Variants in TNFRSF21 observed in about 807,000 individuals in gnomAD.
TNFRSF21 encodes the protein tumor necrosis factor receptor superfamily member 21.
TNFRSF21 carries 19 observed loss-of-function variants against 45.6 expected under a neutral mutation model. That is an observed-to-expected ratio of 0.42 (90% CI 0.29 to 0.61). TNFRSF21 has a LOEUF of 0.61. Ranked by LOEUF, TNFRSF21 falls within the 20% of genes least tolerant of loss-of-function variation. The pLI is 0.23. For missense variants in TNFRSF21, 737 were observed against 851.5 expected, an observed-to-expected ratio of 0.87 and a Z score of 1.67; for synonymous variants, 314 against 335.5, an observed-to-expected ratio of 0.94 and a Z score of 0.70.
chr6:47,265,369 G>GT (rs908631046), intron 3 of TNFRSF21, among the ~76,000 whole-genome samples: 5 of 149,770 alleles, frequency 3.3e-5, no homozygotes, highest in Non-Finnish European at 1.5e-5. Flanking sequence ...ACTGAGCACA[G>GT]TTTTTTTGTT....
In TNFRSF21 at chr6:47,283,924, G is replaced by T. The variant is rs1273037670; in HGVS notation, c.1243+14C>A. The T allele has an allele frequency of 6.2e-7, 1 of 1,606,334 alleles. No homozygotes were observed. Among genetic ancestry groups the T allele is most frequent in the Admixed American group, 1.7e-5 (1 of 59,372 alleles). On this transcript the variant is annotated intron_variant, in intron 3 of 5. Transcript: ENST00000296861. Reference sequence around the variant, plus strand: ...GAGAGATCTGTGAGCAAGGAGAGAAGAGAGAAGGCTCACCATGGCCATTGC... The same window carrying T: ...GAGAGATCTGTGAGCAAGGAGAGAATAGAGAAGGCTCACCATGGCCATTGC...
At chr6:47,299,719 T>C (rs1316601622) in intron 1 of TNFRSF21, among the ~76,000 whole-genome samples, 1 of 152,172 alleles carries the variant, frequency 6.6e-6, no homozygotes, top group Admixed American at 6.5e-5. Context: ...AATTCAAATT[T>C]GCACCCAAGG....
At chr6:47,236,083 T>C (rs1764662963) in intron 4 of TNFRSF21, among the ~76,000 whole-genome samples, 1 of 152,178 alleles carries the variant, frequency 6.6e-6, no homozygotes, top group South Asian at 2.1e-4. Context: ...TGACTTCATT[T>C]TACCAGTAAA....
rs146578369 is a variant in TNFRSF21, at chr6:47,284,309, G to A, written c.872C>T (p.Thr291Ile). 1,226 of 1,605,936 alleles carry A rather than the reference G, an allele frequency of 7.6e-4. 1 individual carries two copies. The Middle Eastern group carries it at 8.2e-3, about 11-fold the overall frequency. The change falls in exon 3 of 6, where the codon ACC (threonine) becomes ATC (isoleucine). Residue 291 changes from threonine (T) to isoleucine (I), a missense_variant. Thr to Ile is a moderately conservative substitution (Grantham distance 89). Coordinates refer to ENST00000296861, the MANE Select transcript of TNFRSF21 (RefSeq NM_014452.5). The stretch of plus-strand genomic sequence containing the variant: ...GTTGACTACCTGAAGGTTTGGGAGG[G>A]TCTTGTTCACGTCTTCCTTCCCCCT... ...SARGKEDVNK[T>I]LPNLQVVNHQ...
chr6:47,288,572 A>AT (rs1164531847), intron 1 of TNFRSF21, among the ~76,000 whole-genome samples: 9 of 135,814 alleles, frequency 6.6e-5, no homozygotes, highest in Non-Finnish European at 9.1e-5. Flanking sequence ...AGAAACAAAC[A>AT]TAAAAAAAAA....
intron 3 of TNFRSF21, among the ~76,000 whole-genome samples, chr6:47,259,374 CTT>C (rs67674852): frequency 0.068 from 9,983 of 147,192 alleles, 455 homozygotes; most frequent in African/African-American, 0.13. Context: ...ATCACATTGC[CTT>C]TTTTTTTTTT....
At chr6:47,270,941 A>G (rs1762405730) in intron 3 of TNFRSF21, among the ~76,000 whole-genome samples, 1 of 152,208 alleles carries the variant, frequency 6.6e-6, no homozygotes, top group African/African-American at 2.4e-5. Flanking sequence ...AATTAATGAA[A>G]TAAAGCGAGA....
At position 47,286,339 on chromosome 6, in the gene TNFRSF21, A is replaced by G; in HGVS notation, c.353T>C (p.Ile118Thr). The G allele has an allele frequency of 6.2e-7, 1 of 1,614,092 alleles. No individual in the cohort carries two copies. The highest frequency in any genetic ancestry group is 1.1e-5 in the South Asian group (1 of 91,078). ...CAAGGCAGCACAAGGTAATTTCTCAATCATTGGCCATGGGCATGGCTGACT... is the reference window on the plus strand; with the variant it reads ...CAAGGCAGCACAAGGTAATTTCTCAGTCATTGGCCATGGGCATGGCTGACT... ...DCSQPCPWPM[I>T]EKLPCAALTD... Residue 118 changes from isoleucine (I) to threonine (T), a missense_variant, in exon 2 of 6, where the codon ATT becomes ACT. Coordinates refer to ENST00000296861, the MANE Select transcript of TNFRSF21 (RefSeq NM_014452.5).
At chr6:47,251,239 G>A (rs867177578) in intron 4 of TNFRSF21, among the ~76,000 whole-genome samples, 65 of 152,292 alleles carry the variant, frequency 4.3e-4, no homozygotes, top group African/African-American at 1.5e-3. Flanking sequence ...GATGTATATT[G>A]TTGAAATGTG....
intron 3 of TNFRSF21, among the ~76,000 whole-genome samples, chr6:47,281,595 G>T (rs1253559940): frequency 6.6e-6 from 1 of 151,982 alleles, no homozygotes; most frequent in East Asian, 1.9e-4. Flanking sequence ...TGGCCAGGCG[G>T]GTCTCAAACT....
chr6:47,299,819 T>C (rs1456425068), intron 1 of TNFRSF21, among the ~76,000 whole-genome samples: 3 of 152,232 alleles, frequency 2.0e-5, no homozygotes, highest in Non-Finnish European at 2.9e-5. Flanking sequence ...AGCACATTTA[T>C]AGGTGGCTGG....
At chr6:47,260,882 A>G (rs543293126) in intron 3 of TNFRSF21, among the ~76,000 whole-genome samples, 63 of 152,324 alleles carry the variant, frequency 4.1e-4, no homozygotes, top group African/African-American at 1.4e-3. Context: ...ATCTTGTTAC[A>G]TGTAATGTCA....
At chr6:47,296,595 G>A (rs1762793217) in intron 1 of TNFRSF21, among the ~76,000 whole-genome samples, 1 of 152,130 alleles carries the variant, frequency 6.6e-6, no homozygotes, top group Admixed American at 6.6e-5. Context: ...AGGGGAGAAG[G>A]GCTGAACGTT....
At chr6:47,290,606 A>C (rs1418555355) in intron 1 of TNFRSF21, among the ~76,000 whole-genome samples, 3 of 152,232 alleles carry the variant, frequency 2.0e-5, no homozygotes, top group Admixed American at 2.0e-4. Flanking sequence ...TCAAGTTTCT[A>C]ATTAAAGCAA....
In TNFRSF21 at chr6:47,231,884, C is replaced by T. The variant is rs78388637; in HGVS notation, c.*881G>A. ...CAAATTCTCTATGGAAAGGGCGCCA[C>T]TGGCACTTGATTTTGACTTTCCAAA... On this transcript the variant is annotated 3_prime_UTR_variant, in exon 6 of 6. Transcript: ENST00000296861. 6.6e-6 allele frequency: 1 copy of T among 152,636 alleles called. No individual in the cohort carries two copies. The highest frequency in any genetic ancestry group is 6.5e-5 in the Admixed American group (1 of 15,276). 9.5% of individuals were successfully genotyped at this position (152,636 alleles called of 1,614,324 possible).
At chr6:47,242,878 C>A (rs1325498318) in intron 4 of TNFRSF21, among the ~76,000 whole-genome samples, 2 of 152,228 alleles carry the variant, frequency 1.3e-5, no homozygotes, top group African/African-American at 2.4e-5. Context: ...ATTGGAAATT[C>A]CTTAGGTTTC....
chr6:47,271,607 T>G (rs1268719971), intron 3 of TNFRSF21, among the ~76,000 whole-genome samples: 1 of 152,120 alleles, frequency 6.6e-6, no homozygotes, highest in Non-Finnish European at 1.5e-5. Flanking sequence ...CTGCATCAAT[T>G]AACGGGCAAA....
intron 3 of TNFRSF21, 124 bp from the exon 4 acceptor site, chr6:47,253,645 A>G: frequency 1.7e-6 from 2 of 1,154,602 alleles, no homozygotes; most frequent in Admixed American, 2.5e-5. Context: ...TGTCAAAGGA[A>G]TGCATTGCCT....
intron 3 of TNFRSF21, among the ~76,000 whole-genome samples, chr6:47,266,840 G>A (rs1414993753): frequency 6.6e-6 from 1 of 152,164 alleles, no homozygotes; most frequent in Non-Finnish European, 1.5e-5. Flanking sequence ...CAGGCCCACA[G>A]GGTCCTTCCC....
Sources: allele counts gnomAD v4.1 joint callset (sites outside exome capture counted in the v4.1 genomes callset), GRCh38; gene constraint gnomAD v4.1.1; transcripts MANE v1.5; gene names NCBI Gene and HGNC (gene_info 2026-07-23, HGNC 2026-07-21).